Variants in DOCK10 observed in about 807,000 individuals in gnomAD.
DOCK10 encodes dedicator of cytokinesis 10.
In DOCK10, 145 loss-of-function variants were observed where a neutral mutation model predicts 280.1. That is an observed-to-expected ratio of 0.52 (90% CI 0.45 to 0.59). The LOEUF is 0.59. DOCK10 is among the 20% of genes least tolerant of loss of function. The probability of loss-of-function intolerance (pLI) is 0.00; values close to 1 mark genes in which losing one functional copy is unlikely to be tolerated. For synonymous variants in DOCK10, 915 were observed against 942.2 expected (o/e 0.97, Z 0.53); for missense variants, 2,368 against 2,651.7 (o/e 0.89, Z 2.35).
chr2:224,875,200 G>A (rs762106459), intron 8 of DOCK10, among the ~76,000 whole-genome samples: 4 of 152,174 alleles, frequency 2.6e-5, no homozygotes, highest in Admixed American at 6.5e-5. Flanking sequence ...GAAATCCTAA[G>A]TGTAAAACAC....
rs544760670 is a variant in DOCK10 at position 224,774,937 on chromosome 2, G to A, written c.5981C>T (p.Ala1994Val). 26 of 1,605,598 alleles carry A rather than the reference G, an allele frequency of 1.6e-5. No individual in the cohort carries two copies. The highest frequency in any genetic ancestry group is 8.0e-5 in the African/African-American group (6 of 74,886). ...TLSGKKHGGV[A>V]EQCKRRTILT... Reference sequence around the variant, plus strand: ...GATCGTCCGCCGCTTGCACTGCTCCGCCACCCCACCGTGCTTCTTGCCCGA... The same window carrying A: ...GATCGTCCGCCGCTTGCACTGCTCCACCACCCCACCGTGCTTCTTGCCCGA... Residue 1994 changes from alanine (A) to valine (V), a missense_variant, in exon 52 of 56, where the codon GCG becomes GTG. Coordinates refer to ENST00000258390, the MANE Select transcript of DOCK10 (RefSeq NM_014689.3).
At chr2:224,878,405 A>G (rs1698771306) in intron 7 of DOCK10, among the ~76,000 whole-genome samples, 1 of 152,202 alleles carries the variant, frequency 6.6e-6, no homozygotes, top group Non-Finnish European at 1.5e-5. Context: ...AATGGTAGAG[A>G]AGGGAAAATA....
chr2:224,810,388 A>G (rs1311149800), intron 31 of DOCK10, among the ~76,000 whole-genome samples: 2 of 152,214 alleles, frequency 1.3e-5, no homozygotes, highest in Non-Finnish European at 2.9e-5. Flanking sequence ...ACTTTCAGTT[A>G]TAAGATGAAT....
At chr2:224,934,137 C>T (rs1702551493) in intron 1 of DOCK10, among the ~76,000 whole-genome samples, 1 of 152,148 alleles carries the variant, frequency 6.6e-6, no homozygotes, top group African/African-American at 2.4e-5. Context: ...GTACTCTGTG[C>T]TGTGGCTGCA....
At chr2:224,782,637 G>A (rs148551002) in intron 50 of DOCK10, among the ~76,000 whole-genome samples, 3 of 152,082 alleles carry the variant, frequency 2.0e-5, no homozygotes, top group African/African-American at 7.2e-5. Flanking sequence ...TGCTATGAAC[G>A]ATCAGTTTTA....
intron 11 of DOCK10, among the ~76,000 whole-genome samples, chr2:224,873,057 A>G (rs1698388711): frequency 6.6e-6 from 1 of 152,234 alleles, no homozygotes; most frequent in Admixed American, 6.5e-5. Context: ...AGTTTTCAAG[A>G]GAACTCACAC....
chr2:224,871,104 G>A (rs1698254176), intron 11 of DOCK10, among the ~76,000 whole-genome samples: 1 of 152,110 alleles, frequency 6.6e-6, no homozygotes, highest in Non-Finnish European at 1.5e-5. Flanking sequence ...TGGGATTACA[G>A]GTGTGAGCCA....
chr2:224,874,887 T>C, intron 8 of DOCK10, 136 bp from the exon 9 acceptor site: 1 of 717,540 alleles, frequency 1.4e-6, no homozygotes, highest in Non-Finnish European at 2.4e-6. Context: ...CATTGTGTTC[T>C]GACTCCTGAA....
At chr2:225,014,082 T>TA (rs143161746) in intron 1 of DOCK10, among the ~76,000 whole-genome samples, 5,022 of 45,620 alleles carry the variant, frequency 0.11, 229 homozygotes, top group Middle Eastern at 0.16. Flanking sequence ...TCTGAATATA[T>TA]TGTTTTTTTT....
chr2:224,908,411 TCGTTTGTGTGTG>T (rs1160637120), intron 3 of DOCK10, among the ~76,000 whole-genome samples: 1 of 109,794 alleles, frequency 9.1e-6, no homozygotes, highest in African/African-American at 4.0e-5. Flanking sequence ...ATAATCATCA[TCGTTTGTGTGTG>T]TGTGTGTGTG....
rs1335375778 is a variant in DOCK10 at position 224,957,285 on chromosome 2, G to C, written c.124-25617C>G. On this transcript the variant is annotated intron_variant, in intron 1 of 55. Coordinates refer to ENST00000258390, the MANE Select transcript of DOCK10 (RefSeq NM_014689.3). Reference sequence around the variant, plus strand: ...ATCTAGTATTTAGTTTTTACTTTCCGCCCCCCCCCGGCTTTGTTTTTCGGA... The same window carrying C: ...ATCTAGTATTTAGTTTTTACTTTCCCCCCCCCCCCGGCTTTGTTTTTCGGA... Among the ~76,000 whole-genome samples, 469 of 118,356 alleles carry C rather than the reference G, an allele frequency of 4.0e-3. 3 individuals are homozygous for C. The highest frequency in any genetic ancestry group is 0.017 in the Middle Eastern group (4 of 232). The allele number at this position is 118,356 out of a possible 152,430, so 77.6% of individuals were successfully genotyped here. A position where few individuals can be genotyped will look rare whatever the true frequency, so the allele number is the denominator to read the frequency against.
chr2:224,852,880 T>C (rs1696842498), intron 17 of DOCK10, 55 bp downstream of exon 17: 1 of 1,416,602 alleles, frequency 7.1e-7, no homozygotes, highest in Non-Finnish European at 9.5e-7. Flanking sequence ...AACTATCTTA[T>C]ATGGTCTAAA....
At chr2:224,851,159 C>A (rs188641472) in intron 18 of DOCK10, among the ~76,000 whole-genome samples, 66 of 152,308 alleles carry the variant, frequency 4.3e-4, no homozygotes, top group South Asian at 1.7e-3. Context: ...AACTTATAAG[C>A]CCCCTTTGTC....
chr2:224,978,131 T>C (rs941602726), intron 1 of DOCK10, among the ~76,000 whole-genome samples: 3 of 152,262 alleles, frequency 2.0e-5, no homozygotes, highest in Admixed American at 6.5e-5. Context: ...TGGGTACTAA[T>C]GGAGCAAGAA....
At chr2:224,963,015 T>TG (rs1308628782) in intron 1 of DOCK10, among the ~76,000 whole-genome samples, 1 of 152,132 alleles carries the variant, frequency 6.6e-6, no homozygotes, top group African/African-American at 2.4e-5. Flanking sequence ...TAGTTTTTTT[T>TG]GAAAAATTCG....
At chr2:224,993,048 G>A (rs1322671712) in intron 1 of DOCK10, among the ~76,000 whole-genome samples, 3 of 152,216 alleles carry the variant, frequency 2.0e-5, no homozygotes, top group South Asian at 2.1e-4. Context: ...AAAATGAGGT[G>A]TAAGAGGAAA....
At chr2:224,830,481 A>T in intron 27 of DOCK10, 60 bp downstream of exon 27, 2 of 878,882 alleles carry the variant, frequency 2.3e-6, no homozygotes, top group Non-Finnish European at 3.2e-6. Flanking sequence ...CATAATCATT[A>T]GTGTAATTGT....
At chr2:224,791,058 T>C (rs1214022443) in intron 47 of DOCK10, among the ~76,000 whole-genome samples, 1 of 152,214 alleles carries the variant, frequency 6.6e-6, no homozygotes, top group African/African-American at 2.4e-5. Flanking sequence ...TATTCTCATA[T>C]CACCTTAGGT....
chr2:224,855,090 C>CACACAA (rs1243995739), intron 15 of DOCK10, 48 bp from the exon 16 acceptor site: 1 of 1,176,802 alleles, frequency 8.5e-7, no homozygotes, highest in Non-Finnish European at 1.2e-6. Context: ...CACACACACA[C>CACACAA]ACACACACAC....
Sources: gnomAD v4.1 joint callset for allele counts (sites outside exome capture counted in the v4.1 genomes callset) on GRCh38, gnomAD v4.1.1 for gene constraint, MANE v1.5 for transcripts, NCBI Gene and HGNC (gene_info 2026-07-23, HGNC 2026-07-21) for gene names.